The following NDUFAF6 variants were observed in gnomAD, a reference collection of about 807,000 sequenced individuals.
NDUFAF6 encodes the protein NADH dehydrogenase (ubiquinone) complex I, assembly factor 6.
Under a neutral mutation model 40.8 loss-of-function variants are expected in NDUFAF6, and 45 were observed. The ratio of observed to expected loss-of-function variants is 1.10; its 90% CI spans 0.87 to 1.42. The LOEUF (loss-of-function observed/expected upper bound fraction) is 1.42, where lower values mean the gene tolerates loss of function less well. Among genes scored for constraint, NDUFAF6 ranks in the 40% most tolerant of loss-of-function variants. The pLI is 0.00. For synonymous variants in NDUFAF6, 185 were observed against 155.9 expected, an observed-to-expected ratio of 1.19 and a Z score of -1.39; for missense variants, 435 against 418.5, an observed-to-expected ratio of 1.04 and a Z score of -0.34.
intron 1 of NDUFAF6, among the ~76,000 whole-genome samples, chr8:94,910,818 A>G (rs1818732330): frequency 6.6e-6 from 1 of 152,260 alleles, no homozygotes; most frequent in South Asian, 2.1e-4. Flanking sequence ...GTAATAGCAA[A>G]AACCTAGAGA....
At chr8:95,074,642 T>C (rs1023816199) in intron 9 of NDUFAF6, among the ~76,000 whole-genome samples, 1 of 152,214 alleles carries the variant, frequency 6.6e-6, no homozygotes, top group Non-Finnish European at 1.5e-5. Flanking sequence ...TCTAGCCATT[T>C]TGACTTCCCC....
chr8:95,042,109 A>AC (rs1360611658), intron 4 of NDUFAF6, among the ~76,000 whole-genome samples: 7 of 152,192 alleles, frequency 4.6e-5, no homozygotes, highest in South Asian at 2.1e-4. Flanking sequence ...CTTTAAATAT[A>AC]CCCCAGTACT....
chr8:94,907,565 C>A (rs1818474520), intron 1 of NDUFAF6, among the ~76,000 whole-genome samples: 1 of 152,042 alleles, frequency 6.6e-6, no homozygotes, highest in African/African-American at 2.4e-5. Flanking sequence ...TCCCATATAC[C>A]CAAACATCTC....
chr8:94,982,680 A>G (rs898431765), intron 2 of NDUFAF6, among the ~76,000 whole-genome samples: 9 of 152,244 alleles, frequency 5.9e-5, no homozygotes, highest in African/African-American at 2.2e-4. Flanking sequence ...ATGCGTGAAC[A>G]CACTGGCATT....
intron 4 of NDUFAF6, among the ~76,000 whole-genome samples, chr8:95,111,861 G>A (rs973968802): frequency 1.3e-5 from 2 of 152,320 alleles, no homozygotes; most frequent in Non-Finnish European, 2.9e-5. Context: ...TATTATATGA[G>A]TTTTAAAATA....
At chr8:95,031,372 A>G (rs1828819397) in intron 1 of NDUFAF6, among the ~76,000 whole-genome samples, 1 of 152,136 alleles carries the variant, frequency 6.6e-6, no homozygotes, top group South Asian at 2.1e-4. Flanking sequence ...AAAACCATAC[A>G]TTCACCCCAA....
At chr8:95,039,132 A>C (rs1252463652) in intron 3 of NDUFAF6, among the ~76,000 whole-genome samples, 1 of 150,934 alleles carries the variant, frequency 6.6e-6, no homozygotes, top group Non-Finnish European at 1.5e-5. Context: ...ACCCGCCACC[A>C]TGCCTGGCTA....
chr8:95,070,285 A>G (rs753572078), intron 9 of NDUFAF6, among the ~76,000 whole-genome samples: 27 of 152,204 alleles, frequency 1.8e-4, no homozygotes, highest in Non-Finnish European at 3.5e-4. Flanking sequence ...TCCTAGAATT[A>G]TCATGAAGGT....
downstream of NDUFAF6, among the ~76,000 whole-genome samples, chr8:95,079,473 A>G (rs1246501882): frequency 6.6e-6 from 1 of 152,206 alleles, no homozygotes; most frequent in African/African-American, 2.4e-5. Flanking sequence ...AGAGAGCTCC[A>G]TGATTTTGGT....
At chr8:94,896,879 TA>T (rs2131147064) in intron 1 of NDUFAF6, among the ~76,000 whole-genome samples, 1 of 152,286 alleles carries the variant, frequency 6.6e-6, no homozygotes, top group African/African-American at 2.4e-5. Flanking sequence ...ATTCTCTCCC[TA>T]ATTTACCTGT....
chr8:94,933,593 T>C (rs1457164964), intron 1 of NDUFAF6, among the ~76,000 whole-genome samples: 1 of 151,938 alleles, frequency 6.6e-6, no homozygotes, highest in African/African-American at 2.4e-5. Flanking sequence ...GGTGAAACCC[T>C]GTCTCTACTA....
At chr8:95,028,578 C>T (rs947891010) in intron 1 of NDUFAF6, among the ~76,000 whole-genome samples, 3 of 152,150 alleles carry the variant, frequency 2.0e-5, no homozygotes. Context: ...CCAAATGTTA[C>T]TACAGTTCTA....
At chr8:95,109,283 G>T (rs182199166) in intron 4 of NDUFAF6, among the ~76,000 whole-genome samples, 1 of 152,148 alleles carries the variant, frequency 6.6e-6, no homozygotes, top group Non-Finnish European at 1.5e-5. Flanking sequence ...CTTTTATAAC[G>T]TTTTTAGAAT....
Position 95,058,649 on chromosome 8 carries a change from GTT to G in NDUFAF6, c.*714_*715del. The G allele has an allele frequency of 9.2e-7, 1 of 1,085,870 alleles. No individual in the cohort carries two copies. The highest frequency in any genetic ancestry group is 1.1e-6 in the Non-Finnish European group (1 of 896,338). The allele number at this position is 1,085,870 out of a possible 1,614,324, so 67.3% of individuals were successfully genotyped here. ...TCGTGAACAAAATTGTACTGAGAAA[GTT>G]TGTATAAGTGATATGAACGGTATTG... On this transcript the variant is annotated 3_prime_UTR_variant, in exon 9 of 9. Transcript: ENST00000396124.
At chr8:94,940,090 A>C in intron 1 of NDUFAF6, 1 of 1,614,238 alleles carries the variant, frequency 6.2e-7, no homozygotes, top group South Asian at 1.1e-5. Flanking sequence ...GAAAGCAGGA[A>C]TCACTTGTAT....
Position 94,930,489 on chromosome 8 carries a change from T to C in NDUFAF6, c.-935-14994T>C, listed in dbSNP as rs771192696. 4 of 1,614,218 alleles carry C rather than the reference T, an allele frequency of 2.5e-6. No homozygotes were observed. The highest frequency in any genetic ancestry group is 1.1e-5 in the South Asian group (1 of 91,084). Reference sequence around the variant, plus strand: ...CAAAACTTGAAACTATTAGTAATTGTACTGACGCGGGCAGGGCTGATGAAC... The same window carrying C: ...CAAAACTTGAAACTATTAGTAATTGCACTGACGCGGGCAGGGCTGATGAAC... On this transcript the variant is annotated intron_variant, in intron 1 of 14. Transcript: ENST00000396113.
intron 2 of NDUFAF6, among the ~76,000 whole-genome samples, chr8:95,101,535 C>T (rs1370735909): frequency 6.6e-6 from 1 of 152,152 alleles, no homozygotes; most frequent in Non-Finnish European, 1.5e-5. Context: ...TCATGATGAA[C>T]TGTCTCTGTA....
chr8:94,979,861 G>A (rs188398532), intron 1 of NDUFAF6, among the ~76,000 whole-genome samples: 48 of 152,292 alleles, frequency 3.2e-4, no homozygotes, highest in East Asian at 1.4e-3. Context: ...TTGGGAGGCC[G>A]AGGCAGGTGG....
At chr8:94,895,847 C>T (rs1183975423) in exon 1 of NDUFAF6, 1 of 153,888 alleles carries the variant, frequency 6.5e-6, no homozygotes, top group East Asian at 1.9e-4. Context: ...CTCCCCAGTC[C>T]CGGTCCGCGA....
Sources: gnomAD v4.1 joint callset for allele counts (sites outside exome capture counted in the v4.1 genomes callset) on GRCh38, gnomAD v4.1.1 for gene constraint, MANE v1.5 for transcripts, NCBI Gene and HGNC (gene_info 2026-07-23, HGNC 2026-07-21) for gene names.